The following STS variants were observed in gnomAD, a reference collection of about 807,000 sequenced individuals.
STS encodes the protein steryl-sulfatase.
Under a neutral mutation model 26.8 loss-of-function variants are expected in STS, and 7 were observed. The observed-to-expected ratio is 0.26, with a 90% CI of 0.15 to 0.49. The LOEUF is 0.49. Ranked by LOEUF, STS falls within the 20% of genes least tolerant of loss-of-function variation. The pLI is 0.98. For missense variants in STS, 434 were observed against 465.6 expected, an observed-to-expected ratio of 0.93 and a Z score of 0.63; for synonymous variants, 199 against 189.4, an observed-to-expected ratio of 1.05 and a Z score of -0.42.
chrX:7,338,827 G>C (rs941108898), intron 10 of STS, among the ~76,000 whole-genome samples: 2 of 112,113 alleles, frequency 1.8e-5, no homozygotes, highest in Admixed American at 1.9e-4. Flanking sequence ...GGTTATATGA[G>C]TGTTTCAAAT....
intron 10 of STS, among the ~76,000 whole-genome samples, chrX:7,335,178 G>A (rs1927954122): frequency 2.7e-5 from 3 of 112,060 alleles, no homozygotes; most frequent in Admixed American, 9.4e-5. Flanking sequence ...CTGAGGAATC[G>A]CCACACTGTC....
At chrX:7,168,804 G>A (rs1296796983) in intron 1 of STS, among the ~76,000 whole-genome samples, 1 of 111,650 alleles carries the variant, frequency 9.0e-6, no homozygotes, top group Non-Finnish European at 1.9e-5. Flanking sequence ...TCTGGTGCCA[G>A]GCTGGCTTGG....
intron 9 of STS, among the ~76,000 whole-genome samples, chrX:7,332,818 C>T (rs1471693898): frequency 9.0e-6 from 1 of 111,725 alleles, no homozygotes; most frequent in Non-Finnish European, 1.9e-5. Context: ...TTTTTCTTCC[C>T]CTCGTGGTTC....
chrX:7,211,942 T>C (rs1231663998), intron 2 of STS, among the ~76,000 whole-genome samples: 1 of 112,070 alleles, frequency 8.9e-6, no homozygotes, highest in Non-Finnish European at 1.9e-5. Context: ...AACATCTGCA[T>C]TTCCTTCCTC....
intron 1 of STS, among the ~76,000 whole-genome samples, chrX:7,171,181 G>A (rs755929109): frequency 2.1e-4 from 24 of 111,785 alleles, no homozygotes; most frequent in African/African-American, 7.5e-4. Flanking sequence ...GGGGCAGTTC[G>A]GCCTCCTGGG....
rs1381468513 is a variant in STS, at chrX:7,217,158, A to G, written c.-5+26150A>G. Reference sequence around the variant, plus strand: ...CTAGCAGGATTCTAGCATAAGGCCAACCAGGTGACCACACATCCCCTGGGG... The same window carrying G: ...CTAGCAGGATTCTAGCATAAGGCCAGCCAGGTGACCACACATCCCCTGGGG... On this transcript the variant is annotated intron_variant, in intron 2 of 10. Coordinates refer to ENST00000674429, the MANE Select transcript of STS (RefSeq NM_001320752.2). Among the ~76,000 whole-genome samples the G allele has an allele frequency of 3.6e-5, 4 of 111,537 alleles. No individual in the cohort carries two copies. In the Admixed American group the frequency reaches 3.8e-4, roughly 11 times the overall value.
At chrX:7,312,181 C>T (rs140346648) in intron 8 of STS, among the ~76,000 whole-genome samples, 1 of 111,819 alleles carries the variant, frequency 8.9e-6, no homozygotes, top group East Asian at 2.8e-4. Context: ...TTGTTCCCAC[C>T]TCAGAGTCTT....
In STS at chrX:7,269,428, C is replaced by T. The variant is rs202062680; in HGVS notation, c.807-6523C>T. The stretch of plus-strand genomic sequence containing the variant: ...TATGGAAATCATTCACAAACACTGT[C>T]ATGCTATGTGAACCATTGAAAGCTA... On this transcript the variant is annotated intron_variant, in intron 6 of 10. Transcript: ENST00000674429. Among the ~76,000 whole-genome samples the T allele has an allele frequency of 8.4e-5, 9 of 107,716 alleles. No homozygotes were observed. In the East Asian group the frequency reaches 1.8e-3, roughly 21 times the overall value. The allele number at this position is 107,716 out of a possible 115,157, so 93.5% of individuals were successfully genotyped here.
intron 3 of STS, among the ~76,000 whole-genome samples, chrX:7,254,879 G>T (rs1923332502): frequency 9.0e-6 from 1 of 111,373 alleles, no homozygotes; most frequent in Non-Finnish European, 1.9e-5. Flanking sequence ...CACTGCGCCG[G>T]CCCAGAACTT....
At chrX:7,327,785 G>A (rs1184283532) in intron 9 of STS, among the ~76,000 whole-genome samples, 1 of 111,585 alleles carries the variant, frequency 9.0e-6, no homozygotes, top group Non-Finnish European at 1.9e-5. Context: ...TGACTTTACA[G>A]GATCAATAGG....
chrX:7,190,533 C>A (rs1199791260), intron 1 of STS, among the ~76,000 whole-genome samples: 1 of 110,873 alleles, frequency 9.0e-6, no homozygotes, highest in Admixed American at 9.7e-5. Flanking sequence ...ACCTATAATC[C>A]CAACACTTTG....
chrX:7,188,664 T>C (rs1227959411), intron 1 of STS, among the ~76,000 whole-genome samples: 1 of 112,064 alleles, frequency 8.9e-6, no homozygotes, highest in Non-Finnish European at 1.9e-5. Context: ...CATTTCTCAC[T>C]GGGGGGTTGG....
chrX:7,238,997 T>C (rs776476402), intron 2 of STS, among the ~76,000 whole-genome samples: 2 of 111,655 alleles, frequency 1.8e-5, no homozygotes, highest in East Asian at 5.6e-4. Flanking sequence ...ACATAATTTT[T>C]AATTAGTATT....
intron 7 of STS, among the ~76,000 whole-genome samples, chrX:7,290,772 G>T (rs1472844030): frequency 8.9e-6 from 1 of 111,908 alleles, no homozygotes; most frequent in Non-Finnish European, 1.9e-5. Flanking sequence ...CTCTCACTGA[G>T]CCCCCACTTC....
intron 2 of STS, among the ~76,000 whole-genome samples, chrX:7,250,196 G>A (rs1164962928): frequency 9.0e-6 from 1 of 110,744 alleles, no homozygotes; most frequent in Non-Finnish European, 1.9e-5. Flanking sequence ...CCAAAGCACT[G>A]GGATTATAGG....
intron 7 of STS, among the ~76,000 whole-genome samples, chrX:7,281,375 G>A (rs1924852481): frequency 9.0e-6 from 1 of 111,263 alleles, no homozygotes; most frequent in South Asian, 3.8e-4. Flanking sequence ...AGCATGACAG[G>A]GCAACCCTCA....
At chrX:7,312,497 C>G (rs1407694269) in intron 8 of STS, among the ~76,000 whole-genome samples, 1 of 111,102 alleles carries the variant, frequency 9.0e-6, no homozygotes, top group Non-Finnish European at 1.9e-5. Context: ...TTGGCTGTGT[C>G]CCCATCAAAA....
chrX:7,253,473 G>A, intron 3 of STS, 137 bp downstream of exon 3: 1 of 841,664 alleles, frequency 1.2e-6, no homozygotes, highest in South Asian at 2.2e-5. Context: ...GCTTCATGTA[G>A]ATACACTGAG....
intron 1 of STS, among the ~76,000 whole-genome samples, chrX:7,165,342 A>G (rs1490346932): frequency 2.7e-5 from 3 of 110,495 alleles, no homozygotes; most frequent in East Asian, 2.9e-4. Context: ...ACTGGTCTAG[A>G]AAAAGCATTT....
Sources: allele counts gnomAD v4.1 joint callset (sites outside exome capture counted in the v4.1 genomes callset), GRCh38; gene constraint gnomAD v4.1.1; transcripts MANE v1.5; gene names NCBI Gene and HGNC (gene_info 2026-07-23, HGNC 2026-07-21).